ANKRD28: variants seen among roughly 807,000 people sequenced by gnomAD.
ANKRD28 encodes the protein ankyrin repeat domain 28.
Under a neutral mutation model 126.5 loss-of-function variants are expected in ANKRD28, and 44 were observed. The observed-to-expected ratio is 0.35, with a 90% CI of 0.27 to 0.45. The LOEUF is 0.45. Among genes scored for constraint, ANKRD28 ranks in the 20% least tolerant of loss-of-function variants. The pLI is 1.00. For synonymous variants in ANKRD28, 442 were observed against 468.5 expected (o/e 0.94, Z 0.73); for missense variants, 1,110 against 1,316.6 (o/e 0.84, Z 2.43).
intron 2 of ANKRD28, among the ~76,000 whole-genome samples, chr3:15,775,007 G>A (rs1201419097): frequency 1.3e-5 from 2 of 152,236 alleles, no homozygotes; most frequent in Non-Finnish European, 2.9e-5. Context: ...CTCCCCAGTA[G>A]CTGGGACTAC....
At chr3:15,842,450 G>T (rs1043977936) in intron 1 of ANKRD28, among the ~76,000 whole-genome samples, 3 of 151,034 alleles carry the variant, frequency 2.0e-5, no homozygotes, top group African/African-American at 4.9e-5. Context: ...GTAGTTGGGG[G>T]ATGGAGGGGT....
rs1461705485 is a variant in ANKRD28 at position 15,853,824 on chromosome 3, A to T, written c.27+5553T>A. 6.6e-6 allele frequency among the ~76,000 whole-genome samples: 1 copy of T among 152,154 alleles called. No individual in the cohort carries two copies. The highest frequency in any genetic ancestry group is 1.5e-5 in the Non-Finnish European group (1 of 68,020). On this transcript the variant is annotated intron_variant, in intron 1 of 27. Transcript: ENST00000399451. The surrounding 1 kb of genome is among the most constrained non-coding windows in gnomAD (Gnocchi z 4.2). ...ATGTTGAATTTACCCTACTGGAACTATGTATCCAAAAAATTACCAATTATC... is the reference window on the plus strand; with the variant it reads ...ATGTTGAATTTACCCTACTGGAACTTTGTATCCAAAAAATTACCAATTATC...
At chr3:15,679,020 G>A (rs2067248712) in intron 23 of ANKRD28, among the ~76,000 whole-genome samples, 1 of 152,154 alleles carries the variant, frequency 6.6e-6, no homozygotes, top group Non-Finnish European at 1.5e-5. Flanking sequence ...TGTCACCCAG[G>A]CTGGAATGCA....
At chr3:15,859,140 T>A (rs1304306143) in intron 1 of ANKRD28, among the ~76,000 whole-genome samples, 1 of 152,150 alleles carries the variant, frequency 6.6e-6, no homozygotes, top group Non-Finnish European at 1.5e-5. Context: ...CCCGCCCCTC[T>A]TGCTGCAGCG....
chr3:15,754,829 T>C (rs911677508), intron 3 of ANKRD28, among the ~76,000 whole-genome samples: 1 of 152,132 alleles, frequency 6.6e-6, no homozygotes, highest in South Asian at 2.1e-4. Context: ...TAAATATGTA[T>C]ATATCGGCCG....
chr3:15,714,019 CCTA>C (rs918259210), intron 9 of ANKRD28, among the ~76,000 whole-genome samples: 102 of 150,550 alleles, frequency 6.8e-4, no homozygotes, highest in African/African-American at 2.5e-3. Context: ...GGATCATGAA[CCTA>C]TTTCAACTTT....
Position 15,845,894 on chromosome 3 carries a change from A to G in ANKRD28, c.27+13483T>C, listed in dbSNP as rs186418580. On this transcript the variant is annotated intron_variant, in intron 1 of 27. Coordinates refer to the ANKRD28 transcript ENST00000399451. The surrounding 1 kb of genome is among the most constrained non-coding windows in gnomAD (Gnocchi z 4.9). ...TGCATCTCGTGAAAACTCGCTCACT[A>G]TCAAGAGAACAGCAAGGGGGAAATC... 2.2e-3 allele frequency among the ~76,000 whole-genome samples: 338 copies of G among 152,256 alleles called. 5 individuals carry two copies. The highest frequency in any genetic ancestry group is 0.021 in the Admixed American group (328 of 15,288).
intron 6 of ANKRD28, among the ~76,000 whole-genome samples, chr3:15,725,413 G>C (rs1464448392): frequency 6.6e-6 from 1 of 152,090 alleles, no homozygotes; most frequent in Non-Finnish European, 1.5e-5. Context: ...TTTGGTCTAA[G>C]GTTAGTTTAA....
intron 1 of ANKRD28, among the ~76,000 whole-genome samples, chr3:15,836,947 A>G (rs959410743): frequency 1.3e-5 from 2 of 152,006 alleles, no homozygotes; most frequent in South Asian, 2.1e-4. Context: ...AAAAATACAA[A>G]AAATTAGCCG....
intron 27 of ANKRD28, among the ~76,000 whole-genome samples, chr3:15,673,128 C>T (rs1007877606): frequency 1.3e-5 from 2 of 152,224 alleles, no homozygotes. Context: ...TCCTCCCCCA[C>T]TTTCTCCTTA....
chr3:15,834,730 T>A (rs922110173), intron 1 of ANKRD28, among the ~76,000 whole-genome samples: 2 of 152,204 alleles, frequency 1.3e-5, no homozygotes, highest in Non-Finnish European at 2.9e-5. Flanking sequence ...TTCAGTTTTT[T>A]CTAAGAAGCA....
chr3:15,751,696 T>A (rs1227983494), intron 4 of ANKRD28, 54 bp downstream of exon 4: 3 of 1,120,338 alleles, frequency 2.7e-6, no homozygotes, highest in African/African-American at 3.1e-5. Context: ...GATTCAGGGG[T>A]ACGCCTATTT....
At chr3:15,755,765 A>G (rs2058121519) in intron 3 of ANKRD28, among the ~76,000 whole-genome samples, 2 of 152,216 alleles carry the variant, frequency 1.3e-5, no homozygotes, top group Admixed American at 6.5e-5. Flanking sequence ...GGTAGAAGAT[A>G]GTATTTGTGG....
intron 14 of ANKRD28, among the ~76,000 whole-genome samples, chr3:15,697,757 G>C (rs562953086): frequency 1.3e-5 from 2 of 152,190 alleles, no homozygotes; most frequent in Admixed American, 1.3e-4. Flanking sequence ...AAATGAGTTA[G>C]GGAGGATTCC....
intron 27 of ANKRD28, among the ~76,000 whole-genome samples, 181 bp downstream of exon 27, chr3:15,675,717 C>T (rs1469898798): frequency 6.6e-6 from 1 of 152,180 alleles, no homozygotes; most frequent in Non-Finnish European, 1.5e-5. Context: ...TTCGGAAGTA[C>T]ATCTGTTAGA....
chr3:15,792,817 C>T (rs987845045), intron 2 of ANKRD28, among the ~76,000 whole-genome samples: 1 of 152,054 alleles, frequency 6.6e-6, no homozygotes, highest in South Asian at 2.1e-4. Context: ...ATCCCATGTA[C>T]CCCATAAATA....
At chr3:15,695,049 T>C (rs1216637940) in intron 16 of ANKRD28, 139 bp downstream of exon 16, 3 of 782,988 alleles carry the variant, frequency 3.8e-6, no homozygotes, top group Non-Finnish European at 6.4e-6. Flanking sequence ...CTTTCCTCTG[T>C]ACACATGATT....
At chr3:15,711,318 T>C in intron 11 of ANKRD28, 44 bp from the exon 12 acceptor site, 1 of 1,496,616 alleles carries the variant, frequency 6.7e-7, no homozygotes, top group Middle Eastern at 1.8e-4. Flanking sequence ...CATATTATTT[T>C]ACACTAAAGA....
chr3:15,670,681 C>G, intron 27 of ANKRD28, 125 bp from the exon 28 acceptor site: 1 of 996,172 alleles, frequency 1.0e-6, no homozygotes, highest in Non-Finnish European at 1.4e-6. Context: ...TAATAAATTG[C>G]TGTAACCAGC....
Sources: gnomAD v4.1 joint callset for allele counts (sites outside exome capture counted in the v4.1 genomes callset) on GRCh38, gnomAD v4.1.1 for gene constraint, Gnocchi (gnomAD v3.1) non-coding constraint, MANE v1.5 for transcripts, NCBI Gene and HGNC (gene_info 2026-07-23, HGNC 2026-07-21) for gene names.